Variants in KCNU1 observed in about 807,000 individuals in gnomAD.
KCNU1 encodes the protein potassium calcium-activated channel subfamily U member 1, also known as potassium channel subfamily U member 1.
A neutral mutation model predicts 126.8 loss-of-function variants in KCNU1; 93 were observed. That is an observed-to-expected ratio of 0.73 (90% CI 0.62 to 0.87). KCNU1 has a LOEUF of 0.87. Ranked by LOEUF, KCNU1 falls within the 40% of genes least tolerant of loss-of-function variation. The pLI is 0.00. For synonymous variants in KCNU1, 523 were observed against 494.2 expected (o/e 1.06, Z -0.77); for missense variants, 1,330 against 1,367.1 (o/e 0.97, Z 0.43).
chr8:36,887,289 G>T (rs915915385), intron 19 of KCNU1, among the ~76,000 whole-genome samples: 11 of 151,942 alleles, frequency 7.2e-5, no homozygotes, highest in African/African-American at 2.4e-4. Flanking sequence ...TTCCCTTTTT[G>T]CCACATCCAC....
At chr8:36,888,730 A>G (rs368355914) in intron 19 of KCNU1, 4 of 534,432 alleles carry the variant, frequency 7.5e-6, no homozygotes, top group Admixed American at 5.8e-5. Context: ...GCATCTTCAC[A>G]AAAGAAGCCT....
chr8:36,911,481 A>G (rs1441033405), intron 22 of KCNU1, among the ~76,000 whole-genome samples: 1 of 152,308 alleles, frequency 6.6e-6, no homozygotes, highest in South Asian at 2.1e-4. Flanking sequence ...TATTATTATG[A>G]TGAAATTCTC....
At chr8:36,908,937 C>T (rs1807748498) in intron 20 of KCNU1, among the ~76,000 whole-genome samples, 1 of 152,194 alleles carries the variant, frequency 6.6e-6, no homozygotes, top group African/African-American at 2.4e-5. Flanking sequence ...CTTAGGCTTT[C>T]ACTGAATTTT....
chr8:36,898,000 G>A (rs749950739), intron 19 of KCNU1, among the ~76,000 whole-genome samples: 2 of 152,184 alleles, frequency 1.3e-5, no homozygotes, highest in Non-Finnish European at 2.9e-5. Context: ...CAGGATGCCT[G>A]TATTCACAGG....
At chr8:36,901,051 G>A (rs1054081351) in intron 19 of KCNU1, among the ~76,000 whole-genome samples, 8 of 151,620 alleles carry the variant, frequency 5.3e-5, no homozygotes, top group East Asian at 1.9e-4. Flanking sequence ...TAACACAGCC[G>A]AAAGTGAGGT....
At chr8:36,848,154 A>G (rs376171452) in intron 18 of KCNU1, among the ~76,000 whole-genome samples, 4 of 152,266 alleles carry the variant, frequency 2.6e-5, no homozygotes, top group Admixed American at 6.5e-5. Flanking sequence ...ATCAGATTAT[A>G]TATTTTTTGC....
chr8:36,813,642 T>A (rs1268640343), intron 7 of KCNU1, among the ~76,000 whole-genome samples: 1 of 149,826 alleles, frequency 6.7e-6, no homozygotes, highest in Non-Finnish European at 1.5e-5. Context: ...AAAGAAAAAA[T>A]CAGAGGAAAA....
intron 18 of KCNU1, among the ~76,000 whole-genome samples, chr8:36,847,612 T>C (rs1416611525): frequency 6.6e-6 from 1 of 152,198 alleles, no homozygotes; most frequent in Admixed American, 6.5e-5. Flanking sequence ...CCTAATATCC[T>C]CCAGTCTCAT....
At chr8:36,921,659 GAAAAAAAA>G (rs58109120) in intron 23 of KCNU1, among the ~76,000 whole-genome samples, 2 of 97,766 alleles carry the variant, frequency 2.0e-5, no homozygotes, top group Non-Finnish European at 4.1e-5. Context: ...ATGAAGTGAG[GAAAAAAAA>G]AAAAAAAAAA....
intron 2 of KCNU1, among the ~76,000 whole-genome samples, chr8:36,789,135 C>T (rs142594944): frequency 0.012 from 1,768 of 152,152 alleles, 11 homozygotes; most frequent in Non-Finnish European, 0.019. Context: ...GCAGGAGAAT[C>T]GCTTGAGCCT....
At chr8:36,840,839 T>C in intron 15 of KCNU1, 93 bp from the exon 16 acceptor site, 4 of 899,664 alleles carry the variant, frequency 4.4e-6, no homozygotes, top group Non-Finnish European at 5.5e-6. Flanking sequence ...TCTAAGATGT[T>C]GGTTTCCTCC....
intron 19 of KCNU1, among the ~76,000 whole-genome samples, chr8:36,865,279 T>C (rs544544456): frequency 6.6e-6 from 1 of 152,194 alleles, no homozygotes; most frequent in Admixed American, 6.5e-5. Context: ...CTGCAGCCAG[T>C]ATGGAAAACA....
chr8:36,887,305 T>A (rs1563316211), intron 19 of KCNU1, among the ~76,000 whole-genome samples: 1 of 152,126 alleles, frequency 6.6e-6, no homozygotes, highest in Non-Finnish European at 1.5e-5. Context: ...TCCACTGTTT[T>A]TTGACTTTTA....
At chr8:36,883,808 T>G (rs759648193) in intron 19 of KCNU1, among the ~76,000 whole-genome samples, 1 of 152,134 alleles carries the variant, frequency 6.6e-6, no homozygotes, top group Non-Finnish European at 1.5e-5. Flanking sequence ...AGACTTCTGC[T>G]GATTATAGTT....
At chr8:36,812,117 G>T (rs1433643204) in intron 7 of KCNU1, among the ~76,000 whole-genome samples, 1 of 151,608 alleles carries the variant, frequency 6.6e-6, no homozygotes, top group African/African-American at 2.4e-5. Context: ...CTTGGCTCAT[G>T]CCTGTAATCC....
intron 18 of KCNU1, among the ~76,000 whole-genome samples, chr8:36,858,781 C>T (rs1403616779): frequency 6.6e-6 from 1 of 152,086 alleles, no homozygotes; most frequent in Non-Finnish European, 1.5e-5. Flanking sequence ...TGTAGACATG[C>T]CAAATTTTAC....
At chr8:36,807,158 A>G (rs1803531412) in intron 5 of KCNU1, among the ~76,000 whole-genome samples, 2 of 152,204 alleles carry the variant, frequency 1.3e-5, no homozygotes. Context: ...CTTACAGATA[A>G]GGAACTAGAG....
At position 36,794,672 on chromosome 8, in the gene KCNU1, C is replaced by T. The variant is rs1052947258; in HGVS notation, c.315+7247C>T. ...GCATGGTGGTTCATTCCTATAATCC[C>T]ATGACTTTGGGAGCCTGAGGCAGTA... On this transcript the variant is annotated intron_variant, in intron 2 of 26. Coordinates refer to ENST00000399881, the MANE Select transcript of KCNU1 (RefSeq NM_001031836.3). Among the ~76,000 whole-genome samples, 28 of 152,066 alleles carry T rather than the reference C, an allele frequency of 1.8e-4. 1 individual carries two copies. The highest frequency in any genetic ancestry group is 2.9e-5 in the Non-Finnish European group (2 of 68,030).
chr8:36,815,614 A>G lies in KCNU1; in HGVS notation c.922A>G (p.Ile308Val), dbSNP rs1803880168. ...ATTTTAGATATTATTTGCGAACTAT[A>G]TACCTGAAATGGTGGAACTGTTTGC... ...LGSLILFANY[I>V]PEMVELFANK... The change falls in exon 9 of 27, where the codon ATA becomes GTA. Residue 308 changes from isoleucine to valine, a missense_variant. Coordinates refer to ENST00000399881, the MANE Select transcript of KCNU1 (RefSeq NM_001031836.3). 1.9e-6 allele frequency: 3 copies of G among 1,584,722 alleles called. No homozygotes were observed. Among genetic ancestry groups the G allele is most frequent in the East Asian group, 2.3e-5 (1 of 44,362 alleles).
Sources: allele counts gnomAD v4.1 joint callset (sites outside exome capture counted in the v4.1 genomes callset), GRCh38; gene constraint gnomAD v4.1.1; transcripts MANE v1.5; gene names NCBI Gene and HGNC (gene_info 2026-07-23, HGNC 2026-07-21).